The following CTSS variants were observed in gnomAD, a reference collection of about 807,000 sequenced individuals.
The protein encoded by CTSS is cathepsin S.
In CTSS, 15 loss-of-function variants were observed where a neutral mutation model predicts 39.9. That is an observed-to-expected ratio of 0.38 (90% CI 0.25 to 0.58). The LOEUF is 0.58. Among genes scored for constraint, CTSS ranks in the 20% least tolerant of loss-of-function variants. The pLI is 0.70. For synonymous variants in CTSS, 126 were observed against 138.2 expected (o/e 0.91, Z 0.62); for missense variants, 250 against 398.2 (o/e 0.63, Z 3.17).
chr1:150,744,989 G>A (rs983595283), intron 7 of CTSS, among the ~76,000 whole-genome samples: 2 of 151,918 alleles, frequency 1.3e-5, no homozygotes, highest in African/African-American at 4.8e-5. Context: ...GAGGGAAATA[G>A]TTTCATTTTA....
intron 2 of CTSS, among the ~76,000 whole-genome samples, chr1:150,760,857 G>A (rs1653240014): frequency 6.6e-6 from 1 of 151,370 alleles, no homozygotes; most frequent in Admixed American, 6.6e-5. Flanking sequence ...CTCCAACCTG[G>A]GTGACAGAGC....
At chr1:150,761,386 A>C (rs973383904) in intron 2 of CTSS, among the ~76,000 whole-genome samples, 2 of 152,216 alleles carry the variant, frequency 1.3e-5, no homozygotes, top group African/African-American at 2.4e-5. Flanking sequence ...AATTTAACCA[A>C]GGAGTTGAAA....
intron 7 of CTSS, among the ~76,000 whole-genome samples, chr1:150,742,112 C>G (rs2101912877): frequency 6.6e-6 from 1 of 152,042 alleles, no homozygotes; most frequent in Middle Eastern, 3.4e-3. Context: ...CAAAAATTGG[C>G]TGGGCATGGT....
At chr1:150,755,368 T>C (rs907823490) in intron 3 of CTSS, among the ~76,000 whole-genome samples, 1 of 152,180 alleles carries the variant, frequency 6.6e-6, no homozygotes, top group African/African-American at 2.4e-5. Context: ...TTGTAGGCAA[T>C]TGTAGAACAA....
Position 150,733,023 on chromosome 1 carries a change from T to A in CTSS, c.*23A>T, listed in dbSNP as rs1652557184. 6.6e-7 allele frequency: 1 copy of A among 1,523,334 alleles called. No homozygotes were observed. Among genetic ancestry groups the A allele is most frequent in the African/African-American group, 1.4e-5 (1 of 72,574 alleles). The allele number at this position is 1,523,334 out of a possible 1,614,324, so 94.4% of individuals were successfully genotyped here. On this transcript the variant is annotated 3_prime_UTR_variant, in exon 8 of 8. Coordinates refer to ENST00000368985, the MANE Select transcript of CTSS (RefSeq NM_004079.5). ...GAGAAAGTGCTTCATATTTCTTGAT[T>A]TGTTATAAAAAGGAGAGATCCTCTA...
chr1:150,752,375 TC>T (rs1388025937), intron 4 of CTSS, among the ~76,000 whole-genome samples: 1 of 152,186 alleles, frequency 6.6e-6, no homozygotes, highest in Non-Finnish European at 1.5e-5. Context: ...TAGGATGATT[TC>T]CTTGACCTAA....
Position 150,741,600 on chromosome 1 carries a change from G to A in CTSS, c.896+6177C>T, listed in dbSNP as rs587596704. On this transcript the variant is annotated intron_variant, in intron 7 of 7. Coordinates refer to ENST00000368985, the MANE Select transcript of CTSS (RefSeq NM_004079.5). ...AAAAGTAATGGGACACTGGCTGTGC[G>A]CAGTGGCTTGCGCCTGTAATCCTGG... 9.2e-5 allele frequency among the ~76,000 whole-genome samples: 14 copies of A among 152,278 alleles called. No homozygotes were observed. The East Asian group carries it at 9.6e-4, about 10-fold the overall frequency.
At chr1:150,751,284 C>G (rs1233337560) in intron 5 of CTSS, among the ~76,000 whole-genome samples, 4 of 151,998 alleles carry the variant, frequency 2.6e-5, no homozygotes, top group African/African-American at 9.7e-5. Context: ...AGTCTTGCTC[C>G]GTTGCCGAGG....
chr1:150,735,662 C>T (rs1652620342), intron 7 of CTSS, among the ~76,000 whole-genome samples: 1 of 151,998 alleles, frequency 6.6e-6, no homozygotes, highest in South Asian at 2.1e-4. Flanking sequence ...AATCACAGCT[C>T]ACTGCAGCTT....
At chr1:150,744,755 CT>C (rs1390756251) in intron 7 of CTSS, among the ~76,000 whole-genome samples, 1 of 147,836 alleles carries the variant, frequency 6.8e-6, no homozygotes, top group African/African-American at 2.5e-5. Flanking sequence ...TTGTGAGTGC[CT>C]TTAGGACAGG....
At chr1:150,744,571 CATAAT>C (rs1292816434) in intron 7 of CTSS, among the ~76,000 whole-genome samples, 4 of 110,140 alleles carry the variant, frequency 3.6e-5, no homozygotes, top group Non-Finnish European at 3.5e-5. Flanking sequence ...ATTATGTATA[CATAAT>C]ATATTATATA....
intron 6 of CTSS, among the ~76,000 whole-genome samples, chr1:150,749,552 G>A (rs914637903): frequency 4.0e-5 from 6 of 149,030 alleles, no homozygotes; most frequent in Non-Finnish European, 7.5e-5. Flanking sequence ...AAATTGCCTC[G>A]CCTCACCCCG....
At position 150,751,906 on chromosome 1, in the gene CTSS, C is replaced by T. The variant is rs1338280780; in HGVS notation, c.502G>A (p.Val168Met). ...KLVSLSAQNL[V>M]DCSTEKYGNK... ...CCATATTTTTCAGTTGAGCAATCCA[C>T]CAGGTTCTGGGCACTGAGAGACACC... The change falls in exon 5 of 8, where the codon GTG (valine) becomes ATG (methionine). Residue 168 changes from valine to methionine, a missense_variant. Transcript: ENST00000368985. 1 of 1,614,086 alleles carries T rather than the reference C, an allele frequency of 6.2e-7. No homozygotes were observed. Among genetic ancestry groups the T allele is most frequent in the Non-Finnish European group, 8.5e-7 (1 of 1,180,046 alleles).
Position 150,731,473 on chromosome 1 carries a change from A to G in CTSS, c.*1573T>C, listed in dbSNP as rs1031294162. The stretch of plus-strand genomic sequence containing the variant: ...ACACTTTTGATGATAGCCATGTATT[A>G]TGGTATTATTTATGTTTTTATATTT... On this transcript the variant is annotated 3_prime_UTR_variant, in exon 8 of 8. Coordinates refer to ENST00000368985, the MANE Select transcript of CTSS (RefSeq NM_004079.5). The G allele has an allele frequency of 2.0e-5, 3 of 152,256 alleles. No homozygotes were observed. The highest frequency in any genetic ancestry group is 7.2e-5 in the African/African-American group (3 of 41,468). The allele number at this position is 152,256 out of a possible 1,614,324, so 9.4% of individuals were successfully genotyped here.
At chr1:150,757,372 A>C (rs1252296693) in intron 3 of CTSS, among the ~76,000 whole-genome samples, 2 of 152,256 alleles carry the variant, frequency 1.3e-5, no homozygotes, top group Non-Finnish European at 2.9e-5. Context: ...GAAGGAATTC[A>C]GTCTACCTAG....
rs186997930 is a variant in CTSS, at chr1:150,732,936, T to G, written c.*110A>C. On this transcript the variant is annotated 3_prime_UTR_variant, in exon 8 of 8. Coordinates refer to ENST00000368985, the MANE Select transcript of CTSS (RefSeq NM_004079.5). ...AAACTATATTTTCTAATTAGTACAG[T>G]AAATACACATTAATCATGACACAAT... 4.3e-4 allele frequency: 346 copies of G among 807,744 alleles called. 1 individual carries two copies. In the African/African-American group the frequency reaches 5.0e-3, roughly 12 times the overall value. 50.0% of individuals were successfully genotyped at this position (807,744 alleles called of 1,614,324 possible). A position where few individuals can be genotyped will look rare whatever the true frequency, so the allele number is the denominator to read the frequency against.
In CTSS at chr1:150,756,708, CTT is replaced by C. The variant is rs72242218; in HGVS notation, c.249+1148_249+1149del. Among the ~76,000 whole-genome samples, 14 of 131,160 alleles carry C rather than the reference CTT, an allele frequency of 1.1e-4. No individual in the cohort carries two copies. In the South Asian group the frequency reaches 1.7e-3, roughly 16 times the overall value. 86.0% of individuals were successfully genotyped at this position (131,160 alleles called of 152,430 possible). On this transcript the variant is annotated intron_variant, in intron 3 of 7. Coordinates refer to ENST00000368985, the MANE Select transcript of CTSS (RefSeq NM_004079.5). ...ACATCCTTCTTTCTTTTCTTTCTTT[CTT>C]TTTTTTTTTTTTTTTTCTCTTTTGA...
chr1:150,735,753 CA>C (rs1652622469), intron 7 of CTSS, among the ~76,000 whole-genome samples: 2 of 141,294 alleles, frequency 1.4e-5, no homozygotes, highest in South Asian at 4.8e-4. Context: ...CATGCTTGGC[CA>C]ATTTTTTTTT....
intron 7 of CTSS, among the ~76,000 whole-genome samples, chr1:150,739,806 G>A (rs1290059704): frequency 6.6e-6 from 1 of 152,212 alleles, no homozygotes; most frequent in African/African-American, 2.4e-5. Context: ...GCCCTTAAGC[G>A]AAAACCTAAT....
Sources: allele counts gnomAD v4.1 joint callset (sites outside exome capture counted in the v4.1 genomes callset), GRCh38; gene constraint gnomAD v4.1.1; transcripts MANE v1.5; gene names NCBI Gene and HGNC (gene_info 2026-07-23, HGNC 2026-07-21).